SPIN2A: variants seen among roughly 807,000 people sequenced by gnomAD.
SPIN2A encodes spindlin-2A.
In SPIN2A, 4 loss-of-function variants were observed where a neutral mutation model predicts 9.2. The ratio of observed to expected loss-of-function variants is 0.44; its 90% CI spans 0.21 to 1.00. SPIN2A has a LOEUF of 1.00. Among genes scored for constraint, SPIN2A ranks in the 50% least tolerant of loss-of-function variants. The pLI is 0.26. For missense variants in SPIN2A, 77 were observed against 172.8 expected, an observed-to-expected ratio of 0.45 and a Z score of 3.11; for synonymous variants, 25 against 61.2, an observed-to-expected ratio of 0.41 and a Z score of 2.76.
At chrX:57,139,383 T>G (rs1442135219), upstream of SPIN2A, among the ~76,000 whole-genome samples, 1 of 112,257 alleles carries the variant, frequency 8.9e-6, no homozygotes, top group Non-Finnish European at 1.9e-5. Context: ...TAGATTTATT[T>G]ATGAGTTCTC....
downstream of SPIN2A, chrX:57,134,628 C>T (rs1360204069): frequency 1.6e-4 from 18 of 111,376 alleles, no homozygotes; most frequent in Admixed American, 1.7e-3. Context: ...GACTGCTGTA[C>T]CTGAGTTCAG....
upstream of SPIN2A, among the ~76,000 whole-genome samples, chrX:57,141,262 A>G (rs1927996616): frequency 8.9e-6 from 1 of 112,228 alleles, no homozygotes; most frequent in Admixed American, 9.4e-5. Context: ...ATGTTGAACC[A>G]TCATTGCATC....
At chrX:57,139,888 C>G (rs1005590554), upstream of SPIN2A, among the ~76,000 whole-genome samples, 2 of 111,877 alleles carry the variant, frequency 1.8e-5, no homozygotes, top group Non-Finnish European at 3.8e-5. Context: ...TTTCTGTTTC[C>G]ATAAAGAATG....
the SPIN2A span, among the ~76,000 whole-genome samples, chrX:57,146,007 T>A: frequency 5.5e-4 from 60 of 109,768 alleles, no homozygotes; most frequent in East Asian, 0.015. Context: ...CTCCAAATTT[T>A]TTTTTTTCTT....
upstream of SPIN2A, among the ~76,000 whole-genome samples, chrX:57,140,970 A>G (rs979616096): frequency 8.9e-6 from 1 of 111,770 alleles, no homozygotes; most frequent in African/African-American, 3.3e-5. Context: ...ACCCCATGAA[A>G]CTAATTTTTT....
At position 57,137,279 on chromosome X, in the gene SPIN2A, T is replaced by C. The variant is rs940598592; in HGVS notation, c.-25A>G. On this transcript the variant is annotated 5_prime_UTR_variant, in exon 1 of 2. Coordinates refer to ENST00000374906, the MANE Select transcript of SPIN2A (RefSeq NM_019003.5). Reference sequence around the variant, plus strand: ...GGATACCTCGATGCTGCCTCTGCTGTGAGCCTGTGGCGAAGGAGGGTCAAC... The same window carrying C: ...GGATACCTCGATGCTGCCTCTGCTGCGAGCCTGTGGCGAAGGAGGGTCAAC... The C allele has an allele frequency of 1.6e-5, 12 of 759,730 alleles. No individual in the cohort carries two copies. Among genetic ancestry groups the C allele is most frequent in the East Asian group, 1.5e-4 (1 of 6,700 alleles). The allele number at this position is 759,730 out of a possible 1,213,427, so 62.6% of individuals were successfully genotyped here. A position where few individuals can be genotyped will look rare whatever the true frequency, so the allele number is the denominator to read the frequency against.
In SPIN2A at chrX:57,135,851, G is replaced by A; in HGVS notation, c.747C>T (p.Ile249=). The change falls in exon 2 of 2, where the codon ATC becomes ATT. Residue 249 remains isoleucine (I), a synonymous_variant. Coordinates refer to ENST00000374906, the MANE Select transcript of SPIN2A (RefSeq NM_019003.5). ...ACTTTTTCACCAAATCGTAGACATA[G>A]ATATGGAAATCATCATCAAACTTGA... ...YFIKFDDDFH[I]YVYDLVKKS 8.3e-7 allele frequency: 1 copy of A among 1,210,202 alleles called. No homozygotes were observed. Among genetic ancestry groups the A allele is most frequent in the Middle Eastern group, 2.3e-4 (1 of 4,349 alleles).
upstream of SPIN2A, among the ~76,000 whole-genome samples, chrX:57,141,957 C>G (rs1038723941): frequency 1.9e-4 from 21 of 110,126 alleles, no homozygotes; most frequent in Admixed American, 1.7e-3. Context: ...CCTTGCCCCC[C>G]ACACCCCGGT....
At position 57,136,536 on chromosome X, in the gene SPIN2A, GC is replaced by G; in HGVS notation, c.61del (p.Ala21ProfsTer7). 2 of 432,618 alleles carry G rather than the reference GC, an allele frequency of 4.6e-6. No homozygotes were observed. Among genetic ancestry groups the G allele is most frequent in the Admixed American group, 1.1e-4 (2 of 18,827 alleles). 35.7% of individuals were successfully genotyped at this position (432,618 alleles called of 1,213,427 possible). On this transcript the variant is annotated frameshift_variant, in exon 2 of 2. Transcript: ENST00000374906. LOFTEE classifies it high-confidence loss of function. ...GQQTRAAAGR[A>X]TGSANMTKKK... ...CTTTGTCATGTTTGCAGACCCAGTG[GC>G]CCGTCCTGCAGCTGCCCTGGTTTGT...
At chrX:57,146,862 C>A in the SPIN2A span, among the ~76,000 whole-genome samples, 1 of 111,676 alleles carries the variant, frequency 9.0e-6, no homozygotes, top group Non-Finnish European at 1.9e-5. Context: ...TGGGGTGTAT[C>A]ACATTTATTG....
chrX:57,140,598 CAAA>C (rs56693403), upstream of SPIN2A, among the ~76,000 whole-genome samples: 10,068 of 58,789 alleles, frequency 0.17, 1,445 homozygotes, highest in African/African-American at 0.44. Context: ...GACCCCGTCT[CAAA>C]AAAAAAAAAA....
Position 57,137,379 on chromosome X carries a change from C to G in SPIN2A, c.-125G>C. On this transcript the variant is annotated 5_prime_UTR_variant, in exon 1 of 2. Transcript: ENST00000374906. Reference sequence around the variant, plus strand: ...TAGATGAGGAGCGTGTGTAGGAGCGCGGCGAGACAGGCAAAGAGCACTGCA... The same window carrying G: ...TAGATGAGGAGCGTGTGTAGGAGCGGGGCGAGACAGGCAAAGAGCACTGCA... The G allele has an allele frequency of 1.3e-6, 1 of 751,994 alleles. No individual in the cohort carries two copies. Among genetic ancestry groups the G allele is most frequent in the Non-Finnish European group, 1.6e-6 (1 of 637,006 alleles). 62.0% of individuals were successfully genotyped at this position (751,994 alleles called of 1,213,427 possible).
intron 1 of SPIN2A, 149 bp downstream of exon 1, chrX:57,137,110 AC>A: frequency 1.5e-6 from 1 of 673,832 alleles, no homozygotes. Flanking sequence ...GCACTCCCCC[AC>A]CCCACCCTTG....
chrX:57,146,378 G>T, the SPIN2A span, among the ~76,000 whole-genome samples: 1 of 111,406 alleles, frequency 9.0e-6, no homozygotes. Context: ...GGTCACTGTT[G>T]GTGTATAGCA....
At chrX:57,137,593 G>A (rs1050264840), upstream of SPIN2A, 2 of 115,726 alleles carry the variant, frequency 1.7e-5, no homozygotes, top group African/African-American at 6.5e-5. Context: ...GAGCAGATCT[G>A]CCTTTCTTTT....
the SPIN2A span, among the ~76,000 whole-genome samples, chrX:57,142,844 A>G: frequency 1.5e-4 from 17 of 111,375 alleles, no homozygotes; most frequent in East Asian, 4.5e-3. Context: ...TGACCCCTTT[A>G]TCATTATATA....
chrX:57,141,359 G>T (rs770530940), upstream of SPIN2A, among the ~76,000 whole-genome samples: 1 of 111,906 alleles, frequency 8.9e-6, no homozygotes, highest in African/African-American at 3.2e-5. Flanking sequence ...GAGGATTTTT[G>T]CATGTATATT....
chrX:57,136,938 C>T (rs1927809001), intron 1 of SPIN2A: 1 of 833,522 alleles, frequency 1.2e-6, no homozygotes. Flanking sequence ...GCGGCCTTGA[C>T]CAGCACCCAC....
chrX:57,144,978 A>G, the SPIN2A span, among the ~76,000 whole-genome samples: 8 of 111,284 alleles, frequency 7.2e-5, no homozygotes, highest in Admixed American at 1.9e-4. Flanking sequence ...TGATTGATGA[A>G]CATTTGGGCT....
Sources: allele counts gnomAD v4.1 joint callset (sites outside exome capture counted in the v4.1 genomes callset), GRCh38; gene constraint gnomAD v4.1.1; transcripts MANE v1.5; gene names NCBI Gene and HGNC (gene_info 2026-07-23, HGNC 2026-07-21).